The following ZC3H12B variants were observed in gnomAD, a reference collection of about 807,000 sequenced individuals.
The protein encoded by ZC3H12B is probable ribonuclease ZC3H12B.
In ZC3H12B, 7 loss-of-function variants were observed where a neutral mutation model predicts 43.9. The observed-to-expected ratio is 0.16, with a 90% CI of 0.09 to 0.30. ZC3H12B has a LOEUF of 0.30. ZC3H12B is among the 10% of genes least tolerant of loss of function. ZC3H12B has a pLI of 1.00. For synonymous variants in ZC3H12B, 222 were observed against 241.7 expected (o/e 0.92, Z 0.76); for missense variants, 475 against 670.2 (o/e 0.71, Z 3.22).
chrX:65,075,461 C>G, the ZC3H12B span, among the ~76,000 whole-genome samples: 4 of 112,229 alleles, frequency 3.6e-5, no homozygotes, highest in African/African-American at 1.3e-4. Context: ...ACTTACATCT[C>G]TTTTGTTTTC....
intron 2 of ZC3H12B, among the ~76,000 whole-genome samples, chrX:65,385,010 C>A (rs182777995): frequency 9.9e-4 from 111 of 111,905 alleles, no homozygotes; most frequent in African/African-American, 3.4e-3. Context: ...TTGTCTACAT[C>A]TCTGTTTTGG....
chrX:65,469,135 A>G (rs1007556449), intron 3 of ZC3H12B: 2 of 132,781 alleles, frequency 1.5e-5, no homozygotes, highest in Admixed American at 8.7e-5. Flanking sequence ...GTCATTGCCT[A>G]GGAGTTACTG....
chrX:65,283,019 A>G, the ZC3H12B span, among the ~76,000 whole-genome samples: 1 of 111,887 alleles, frequency 8.9e-6, no homozygotes, highest in African/African-American at 3.2e-5. Flanking sequence ...AGACACAACA[A>G]AAAAAGAGAA....
exon 5 of ZC3H12B, chrX:65,502,674 T>C: frequency 8.3e-7 from 1 of 1,209,614 alleles, no homozygotes; most frequent in Non-Finnish European, 1.1e-6. Context: ...GTCCCCCACT[T>C]AGCTCTGCAT....
chrX:65,072,947 T>A, the ZC3H12B span, among the ~76,000 whole-genome samples: 1 of 112,714 alleles, frequency 8.9e-6, no homozygotes, highest in African/African-American at 3.2e-5. Flanking sequence ...GAAGCAGTAC[T>A]GTGTGTGCCC....
chrX:65,389,075 T>C (rs1009247691), intron 2 of ZC3H12B, among the ~76,000 whole-genome samples: 3 of 112,356 alleles, frequency 2.7e-5, no homozygotes, highest in African/African-American at 9.7e-5. Context: ...GTTAGGCTAC[T>C]TGGGGTTCAG....
At chrX:65,195,574 G>A in the ZC3H12B span, among the ~76,000 whole-genome samples, 1 of 111,940 alleles carries the variant, frequency 8.9e-6, no homozygotes. Context: ...ATTGTATTTT[G>A]TTAGGATTCC....
chrX:65,222,441 A>T, the ZC3H12B span, among the ~76,000 whole-genome samples: 1 of 110,415 alleles, frequency 9.1e-6, no homozygotes, highest in South Asian at 3.8e-4. Context: ...GTATTTAAAA[A>T]TTCTAAAGAC....
chrX:65,479,752 G>C (rs1423964275), intron 3 of ZC3H12B, among the ~76,000 whole-genome samples: 54 of 112,286 alleles, frequency 4.8e-4, no homozygotes, highest in Non-Finnish European at 7.5e-5. Context: ...TTGGTGTCTT[G>C]AACAAAGAAT....
chrX:65,464,926 T>C (rs1027357047), intron 3 of ZC3H12B, among the ~76,000 whole-genome samples: 1 of 111,473 alleles, frequency 9.0e-6, no homozygotes, highest in Admixed American at 9.6e-5. Flanking sequence ...TGTTTTTGAA[T>C]TTTGCAAACT....
the ZC3H12B span, among the ~76,000 whole-genome samples, chrX:65,349,696 A>G: frequency 8.9e-6 from 1 of 112,057 alleles, no homozygotes; most frequent in Admixed American, 9.5e-5. Context: ...CCACAGAAAT[A>G]CAAACTACTA....
intron 2 of ZC3H12B, among the ~76,000 whole-genome samples, chrX:65,381,844 G>A (rs2066444971): frequency 8.9e-6 from 1 of 111,787 alleles, no homozygotes; most frequent in Non-Finnish European, 1.9e-5. Flanking sequence ...AAATAAACTA[G>A]AAAATCTAGA....
chrX:65,386,730 G>C (rs1321746375), intron 2 of ZC3H12B, among the ~76,000 whole-genome samples: 1 of 111,110 alleles, frequency 9.0e-6, no homozygotes, highest in African/African-American at 3.3e-5. Flanking sequence ...TCTTTTAATT[G>C]TGATATTAGG....
At chrX:65,164,418 T>C in the ZC3H12B span, among the ~76,000 whole-genome samples, 1 of 111,336 alleles carries the variant, frequency 9.0e-6, no homozygotes, top group South Asian at 3.8e-4. Context: ...AATGATAATA[T>C]CTATAGGAGC....
chrX:65,212,606 A>T, the ZC3H12B span, among the ~76,000 whole-genome samples: 1 of 81,855 alleles, frequency 1.2e-5, no homozygotes, highest in Non-Finnish European at 2.2e-5. Flanking sequence ...ATATATAATT[A>T]CATATATGAT....
At chrX:65,406,236 A>C (rs1249816105) in intron 3 of ZC3H12B, among the ~76,000 whole-genome samples, 2 of 109,810 alleles carry the variant, frequency 1.8e-5, no homozygotes, top group African/African-American at 6.6e-5. Context: ...CGATGCAAAA[A>C]TCCTCAACAA....
the ZC3H12B span, among the ~76,000 whole-genome samples, chrX:65,065,559 C>T: frequency 1.8e-5 from 2 of 111,611 alleles, no homozygotes; most frequent in Non-Finnish European, 3.8e-5. Context: ...ATTTATCTCT[C>T]TCTCTGCCCT....
chrX:65,258,777 G>A, the ZC3H12B span, among the ~76,000 whole-genome samples: 2 of 111,245 alleles, frequency 1.8e-5, no homozygotes, highest in Non-Finnish European at 3.8e-5. Flanking sequence ...CCAACAATAT[G>A]CAAGATGAGA....
intron 4 of ZC3H12B, among the ~76,000 whole-genome samples, chrX:65,500,431 G>C (rs1328968985): frequency 2.7e-5 from 3 of 111,653 alleles, no homozygotes; most frequent in Non-Finnish European, 5.7e-5. Flanking sequence ...TTTTTTGTTT[G>C]TTTGTTTGTT....
Sources: allele counts gnomAD v4.1 joint callset (sites outside exome capture counted in the v4.1 genomes callset), GRCh38; gene constraint gnomAD v4.1.1; transcripts MANE v1.5; gene names NCBI Gene and HGNC (gene_info 2026-07-23, HGNC 2026-07-21).